Variants in EED observed in about 807,000 individuals in gnomAD.
The protein encoded by EED is polycomb protein EED.
EED carries 9 observed loss-of-function variants against 61.0 expected under a neutral mutation model. The ratio of observed to expected loss-of-function variants is 0.15; its 90% CI spans 0.09 to 0.26. The LOEUF (loss-of-function observed/expected upper bound fraction) is 0.26, where lower values mean the gene tolerates loss of function less well. EED is among the 10% of genes least tolerant of loss of function. EED has a pLI of 1.00. For missense variants in EED, 315 were observed against 542.3 expected (o/e 0.58, Z 4.16); for synonymous variants, 187 against 174.4 (o/e 1.07, Z -0.57).
the EED span, among the ~76,000 whole-genome samples, chr11:86,285,084 C>G: frequency 6.6e-6 from 1 of 152,020 alleles, no homozygotes; most frequent in Admixed American, 6.5e-5. Flanking sequence ...ACACTCCAGC[C>G]TGGGCAACAG....
chr11:86,279,217 T>C (rs1190160003), downstream of EED, among the ~76,000 whole-genome samples: 1 of 152,188 alleles, frequency 6.6e-6, no homozygotes, highest in Non-Finnish European at 1.5e-5. Flanking sequence ...CTTTATAGTT[T>C]AAAAAATATT....
At chr11:86,277,327 C>A in intron 10 of EED, 189 bp downstream of exon 10, 1 of 468,274 alleles carries the variant, frequency 2.1e-6, no homozygotes. Context: ...TGTGGCTCTG[C>A]ATATGATCTG....
At chr11:86,264,890 C>G (rs1309808722) in intron 7 of EED, 1 of 152,156 alleles carries the variant, frequency 6.6e-6, no homozygotes, top group Non-Finnish European at 1.5e-5. Context: ...AATTTCACAT[C>G]TCTTAGGTTG....
chr11:86,275,034 T>C (rs1007554904), intron 9 of EED, among the ~76,000 whole-genome samples: 1 of 152,182 alleles, frequency 6.6e-6, no homozygotes, highest in Non-Finnish European at 1.5e-5. Context: ...CTTTTATTGT[T>C]GTTGTTGTTG....
At chr11:86,286,554 G>T in the EED span, among the ~76,000 whole-genome samples, 1 of 152,186 alleles carries the variant, frequency 6.6e-6, no homozygotes, top group East Asian at 1.9e-4. Flanking sequence ...AGTGCTTAAA[G>T]AATTGAAATG....
downstream of EED, among the ~76,000 whole-genome samples, chr11:86,279,530 G>T (rs1363742790): frequency 6.6e-6 from 1 of 152,164 alleles, no homozygotes; most frequent in Non-Finnish European, 1.5e-5. Flanking sequence ...ATGTGGAGGG[G>T]TTAACTTGAA....
At position 86,262,813 on chromosome 11, in the gene EED, CT is replaced by C. The variant is rs34817049; in HGVS notation, c.635-1346del. ...GCATGAGCTACCACACCTGGCCTGG[CT>C]TTTTTTTTTTTTCTTTTAAAGACAG... is the stretch of plus-strand genomic sequence containing the variant. On this transcript the variant is annotated intron_variant, in intron 6 of 11. Transcript: ENST00000263360. Among the ~76,000 whole-genome samples, 929 of 138,620 alleles carry C rather than the reference CT, an allele frequency of 6.7e-3. 11 individuals are homozygous for C. The highest frequency in any genetic ancestry group is 0.021 in the African/African-American group (785 of 37,616). The allele number at this position is 138,620 out of a possible 152,430, so 90.9% of individuals were successfully genotyped here. A position where few individuals can be genotyped will look rare whatever the true frequency, so the allele number is the denominator to read the frequency against.
intron 6 of EED, among the ~76,000 whole-genome samples, chr11:86,259,969 A>G (rs939801112): frequency 6.6e-6 from 1 of 152,190 alleles, no homozygotes; most frequent in Non-Finnish European, 1.5e-5. Flanking sequence ...AGAGTCACTA[A>G]TCCTAGATGT....
At chr11:86,255,348 C>T in intron 4 of EED, 61 bp downstream of exon 4, 2 of 1,318,700 alleles carry the variant, frequency 1.5e-6, no homozygotes, top group Non-Finnish European at 2.1e-6. Flanking sequence ...ATAAGTGCAC[C>T]AAAACTTTTA....
chr11:86,250,202 C>A, intron 1 of EED, 94 bp from the exon 2 acceptor site: 1 of 1,173,172 alleles, frequency 8.5e-7, no homozygotes, highest in Non-Finnish European at 1.1e-6. Flanking sequence ...GAAATTATTT[C>A]TCTTAGGTCA....
At chr11:86,249,266 A>G (rs917813403) in intron 1 of EED, among the ~76,000 whole-genome samples, 2 of 151,788 alleles carry the variant, frequency 1.3e-5, no homozygotes, top group Non-Finnish European at 2.9e-5. Context: ...CTACCCGCCT[A>G]TTATTTCATT....
intron 6 of EED, among the ~76,000 whole-genome samples, chr11:86,262,499 T>C (rs1187906042): frequency 6.6e-6 from 1 of 152,224 alleles, no homozygotes; most frequent in African/African-American, 2.4e-5. Flanking sequence ...CTCATTCTTG[T>C]CACCCAGGCT....
the EED span, among the ~76,000 whole-genome samples, chr11:86,285,972 T>C: frequency 6.6e-6 from 1 of 152,222 alleles, no homozygotes; most frequent in Non-Finnish European, 1.5e-5. Flanking sequence ...AATTGATATT[T>C]GTGTCTCATA....
At chr11:86,283,803 T>C (rs1946350670), downstream of EED, 1 of 130,642 alleles carries the variant, frequency 7.7e-6, no homozygotes, top group Non-Finnish European at 1.6e-5. Flanking sequence ...GGTTAAGAAA[T>C]ATAGAGGATA....
intron 2 of EED, among the ~76,000 whole-genome samples, chr11:86,251,592 AG>A (rs1173821467): frequency 1.3e-5 from 2 of 152,174 alleles, no homozygotes; most frequent in African/African-American, 4.8e-5. Flanking sequence ...CATCTCCTAT[AG>A]CCTCCTGGTA....
At chr11:86,265,478 A>G (rs1050777590) in intron 7 of EED, 4 of 152,192 alleles carry the variant, frequency 2.6e-5, no homozygotes, top group Non-Finnish European at 5.9e-5. Context: ...GTGTCTGCCT[A>G]TGAAATGAGG....
At chr11:86,275,980 A>G (rs1454824109) in intron 9 of EED, among the ~76,000 whole-genome samples, 4 of 152,194 alleles carry the variant, frequency 2.6e-5, no homozygotes, top group African/African-American at 7.2e-5. Flanking sequence ...CAGGGCTGCC[A>G]CCTGTCACTA....
intron 6 of EED, among the ~76,000 whole-genome samples, chr11:86,262,037 A>G (rs1220063729): frequency 1.3e-5 from 2 of 152,046 alleles, no homozygotes; most frequent in African/African-American, 4.8e-5. Flanking sequence ...TCTCTCAAAC[A>G]TGCTTTTTTA....
chr11:86,255,126 T>G, intron 3 of EED, 96 bp from the exon 4 acceptor site: 1 of 959,382 alleles, frequency 1.0e-6, no homozygotes, highest in African/African-American at 1.6e-5. Flanking sequence ...CTGTAGTATA[T>G]TTAAGATAGG....
Sources: gnomAD v4.1 joint callset for allele counts (sites outside exome capture counted in the v4.1 genomes callset) on GRCh38, gnomAD v4.1.1 for gene constraint, MANE v1.5 for transcripts, NCBI Gene and HGNC (gene_info 2026-07-23, HGNC 2026-07-21) for gene names.